ZC3H12B: variants seen among roughly 807,000 people sequenced by gnomAD.
ZC3H12B encodes the protein probable ribonuclease ZC3H12B.
ZC3H12B carries 7 observed loss-of-function variants against 43.9 expected under a neutral mutation model. The ratio of observed to expected loss-of-function variants is 0.16; its 90% CI spans 0.09 to 0.30. The LOEUF is 0.30. Among genes scored for constraint, ZC3H12B ranks in the 10% least tolerant of loss-of-function variants. The pLI is 1.00. For missense variants in ZC3H12B, 475 were observed against 670.2 expected (o/e 0.71, Z 3.22); for synonymous variants, 222 against 241.7 (o/e 0.92, Z 0.76).
chrX:65,089,662 T>A, the ZC3H12B span, among the ~76,000 whole-genome samples: 1 of 112,631 alleles, frequency 8.9e-6, no homozygotes, highest in Non-Finnish European at 1.9e-5. Flanking sequence ...TTCTTAAACT[T>A]TTTGACTCTT....
the ZC3H12B span, among the ~76,000 whole-genome samples, chrX:65,253,147 A>T: frequency 8.9e-6 from 1 of 112,038 alleles, no homozygotes; most frequent in Non-Finnish European, 1.9e-5. Flanking sequence ...AGGGACCAGG[A>T]CATCGGGAAG....
At chrX:65,245,220 A>G in the ZC3H12B span, among the ~76,000 whole-genome samples, 2 of 111,796 alleles carry the variant, frequency 1.8e-5, no homozygotes, top group Non-Finnish European at 3.8e-5. Flanking sequence ...GAACAGACCA[A>G]TAAGAAGTTC....
At chrX:65,381,978 A>C (rs1468940925) in intron 2 of ZC3H12B, among the ~76,000 whole-genome samples, 2 of 111,969 alleles carry the variant, frequency 1.8e-5, no homozygotes, top group African/African-American at 6.5e-5. Flanking sequence ...ACCAACGATA[A>C]AGAGTCCAGG....
chrX:65,435,159 C>T (rs1391276747), intron 3 of ZC3H12B, among the ~76,000 whole-genome samples: 1 of 111,505 alleles, frequency 9.0e-6, no homozygotes, highest in East Asian at 2.8e-4. Flanking sequence ...GAACTGTGTT[C>T]TGATTTTTAA....
the ZC3H12B span, among the ~76,000 whole-genome samples, chrX:65,159,558 C>T: frequency 6.3e-5 from 7 of 111,543 alleles, no homozygotes; most frequent in African/African-American, 9.8e-5. Flanking sequence ...CATGATTTGG[C>T]TCTCTGTCTG....
At chrX:65,191,473 C>T in the ZC3H12B span, among the ~76,000 whole-genome samples, 1 of 102,440 alleles carries the variant, frequency 9.8e-6, no homozygotes, top group African/African-American at 4.0e-5. Flanking sequence ...GCCAGAATTT[C>T]AGCTCCTGTT....
intron 3 of ZC3H12B, among the ~76,000 whole-genome samples, chrX:65,447,177 G>T (rs1298533971): frequency 9.0e-6 from 1 of 111,178 alleles, no homozygotes; most frequent in Non-Finnish European, 1.9e-5. Flanking sequence ...CCCACTTGAT[G>T]GTGGTTCACA....
At chrX:65,190,787 T>G in the ZC3H12B span, among the ~76,000 whole-genome samples, 1 of 105,254 alleles carries the variant, frequency 9.5e-6, no homozygotes, top group Non-Finnish European at 1.9e-5. Context: ...GAATACCCTT[T>G]ATTTCCTTCT....
At chrX:65,095,379 C>A in the ZC3H12B span, among the ~76,000 whole-genome samples, 1 of 111,236 alleles carries the variant, frequency 9.0e-6, no homozygotes, top group Admixed American at 9.6e-5. Context: ...AAAAGCTGAA[C>A]AGACTGAAAA....
chrX:65,476,223 T>C (rs1377253882), intron 3 of ZC3H12B, among the ~76,000 whole-genome samples: 2 of 111,554 alleles, frequency 1.8e-5, no homozygotes, highest in African/African-American at 6.5e-5. Context: ...CACTGCCCCT[T>C]CTGAATTCTA....
At chrX:65,392,026 C>T (rs1216001476) in intron 2 of ZC3H12B, among the ~76,000 whole-genome samples, 2 of 111,723 alleles carry the variant, frequency 1.8e-5, no homozygotes, top group South Asian at 3.8e-4. Flanking sequence ...CTCAGCCTCC[C>T]GAGGTGCCGG....
At chrX:65,484,944 T>C (rs983030721), upstream of ZC3H12B, among the ~76,000 whole-genome samples, 2 of 112,198 alleles carry the variant, frequency 1.8e-5, no homozygotes, top group African/African-American at 3.2e-5. Context: ...TAGAAGACTT[T>C]GATCTTTTTT....
chrX:65,302,251 A>G, the ZC3H12B span, among the ~76,000 whole-genome samples: 235 of 111,500 alleles, frequency 2.1e-3, 2 homozygotes, highest in Admixed American at 0.021. Flanking sequence ...TACAGGTGGC[A>G]TAATTGTCTA....
At chrX:65,156,800 G>A in the ZC3H12B span, among the ~76,000 whole-genome samples, 24 of 111,146 alleles carry the variant, frequency 2.2e-4, no homozygotes, top group Middle Eastern at 4.6e-3. Flanking sequence ...TTAGGCATGC[G>A]TCATCCTGCC....
In ZC3H12B at chrX:65,436,339, G is replaced by A. The variant is rs1412319422; in HGVS notation, n.407+37635G>A. On this transcript the variant is annotated intron_variant and non_coding_transcript_variant, in intron 3 of 5. Transcript: ENST00000617377. ...AAAGCCAAACCATATCAAACCACAA[G>A]GCCCAATGTCCAAAGGTAGGAGAAG... is the stretch of plus-strand genomic sequence containing the variant. 2.7e-5 allele frequency among the ~76,000 whole-genome samples: 3 copies of A among 112,130 alleles called. No individual in the cohort carries two copies. In the South Asian group the frequency reaches 1.1e-3, roughly 42 times the overall value.
chrX:65,235,863 G>A, the ZC3H12B span, among the ~76,000 whole-genome samples: 1 of 111,569 alleles, frequency 9.0e-6, no homozygotes, highest in East Asian at 2.8e-4. Flanking sequence ...GTTTTGGCAT[G>A]TTCTGGGTTC....
the ZC3H12B span, among the ~76,000 whole-genome samples, chrX:65,245,190 C>CT: frequency 9.0e-6 from 1 of 111,405 alleles, no homozygotes; most frequent in African/African-American, 3.3e-5. Context: ...AAGACTAAAC[C>CT]AGGGAGAAAT....
At chrX:65,053,292 G>T in the ZC3H12B span, among the ~76,000 whole-genome samples, 1 of 110,388 alleles carries the variant, frequency 9.1e-6, no homozygotes, top group African/African-American at 3.3e-5. Flanking sequence ...AGGGTGTGAT[G>T]TTCCCCTTCC....
chrX:65,162,156 C>T, the ZC3H12B span, among the ~76,000 whole-genome samples: 150 of 111,382 alleles, frequency 1.3e-3, 1 homozygote, highest in Non-Finnish European at 2.4e-3. Flanking sequence ...TGATGGGCTT[C>T]CCTTTGTGGG....
Sources: gnomAD v4.1 joint callset for allele counts (sites outside exome capture counted in the v4.1 genomes callset) on GRCh38, gnomAD v4.1.1 for gene constraint, MANE v1.5 for transcripts, NCBI Gene and HGNC (gene_info 2026-07-23, HGNC 2026-07-21) for gene names.